Variants in DGKG observed in about 807,000 individuals in gnomAD.
DGKG encodes diacylglycerol kinase gamma.
In DGKG, 78 loss-of-function variants were observed where a neutral mutation model predicts 105.3. The observed-to-expected ratio is 0.74, with a 90% CI of 0.62 to 0.89. The LOEUF (loss-of-function observed/expected upper bound fraction) is 0.89, where lower values mean the gene tolerates loss of function less well. Ranked by LOEUF, DGKG falls within the 40% of genes least tolerant of loss-of-function variation. The pLI, the probability that DGKG is intolerant of heterozygous loss-of-function variation, is 0.00. For missense variants in DGKG, 958 were observed against 1,020.1 expected (o/e 0.94, Z 0.83); for synonymous variants, 346 against 367.1 (o/e 0.94, Z 0.66).
chr3:186,331,201 C>T (rs895223014), intron 1 of DGKG, among the ~76,000 whole-genome samples: 1 of 152,178 alleles, frequency 6.6e-6, no homozygotes, highest in African/African-American at 2.4e-5. Flanking sequence ...TAGCTGAAAA[C>T]CACAACCAAC....
chr3:186,354,420 C>T (rs1396213430), intron 1 of DGKG, among the ~76,000 whole-genome samples: 3 of 152,210 alleles, frequency 2.0e-5, no homozygotes, highest in African/African-American at 7.2e-5. Context: ...CTTGGTTTCT[C>T]TGCAGACGAC....
chr3:186,222,068 T>C (rs933858211), intron 20 of DGKG, among the ~76,000 whole-genome samples: 1 of 152,242 alleles, frequency 6.6e-6, no homozygotes, highest in Non-Finnish European at 1.5e-5. Context: ...ACGTGTGAGA[T>C]GGTTGTTCCT....
chr3:186,267,955 G>A lies in DGKG; in HGVS notation c.1117-178C>T, dbSNP rs528032182. 7.2e-5 allele frequency among the ~76,000 whole-genome samples: 11 copies of A among 152,130 alleles called. 1 individual carries two copies. In the South Asian group the frequency reaches 1.9e-3, roughly 26 times the overall value. Reference sequence around the variant, plus strand: ...GTGCACGTGTGTGTGTGTGGTTAAGGGTGCAAAGTCTGCTGTGGGCTGAGC... The same window carrying A: ...GTGCACGTGTGTGTGTGTGGTTAAGAGTGCAAAGTCTGCTGTGGGCTGAGC... On this transcript the variant is annotated intron_variant, in intron 12 of 24. Transcript: ENST00000265022.
rs554406373 is a variant in DGKG at position 186,277,901 on chromosome 3, T to C, written c.792+1950A>G. Among the ~76,000 whole-genome samples the C allele has an allele frequency of 5.9e-5, 9 of 152,258 alleles. 1 individual carries two copies. In the South Asian group the frequency reaches 1.7e-3, roughly 28 times the overall value. ...GGTTTTGAAAAAGCCCAAGAAGCAA[T>C]GGACTTTTAAGACATTGATGGGGGC... is the stretch of plus-strand genomic sequence containing the variant. On this transcript the variant is annotated intron_variant, in intron 9 of 24. Transcript: ENST00000265022.
chr3:186,348,849 G>A (rs967388530), intron 1 of DGKG, among the ~76,000 whole-genome samples: 6 of 151,798 alleles, frequency 4.0e-5, no homozygotes, highest in African/African-American at 1.5e-4. Context: ...TTTTTTCTCT[G>A]AAAATAAAAC....
At chr3:186,273,990 C>T (rs1170464676) in intron 10 of DGKG, among the ~76,000 whole-genome samples, 2 of 152,180 alleles carry the variant, frequency 1.3e-5, no homozygotes, top group Non-Finnish European at 2.9e-5. Flanking sequence ...GTGTCCCCTT[C>T]TTTCCTACTC....
chr3:186,270,087 G>T (rs966583870), intron 11 of DGKG, among the ~76,000 whole-genome samples: 9 of 152,046 alleles, frequency 5.9e-5, no homozygotes, highest in African/African-American at 2.2e-4. Flanking sequence ...AAAAACCCAG[G>T]AAATATCTGC....
intron 6 of DGKG, among the ~76,000 whole-genome samples, chr3:186,285,046 C>G (rs12495228): frequency 1.3e-4 from 20 of 152,142 alleles, no homozygotes; most frequent in Admixed American, 9.8e-4. Context: ...GGCAGAGGCA[C>G]CAGAATTTTT....
At position 186,251,922 on chromosome 3, in the gene DGKG, G is replaced by A; in HGVS notation, c.1601-3C>T. On this transcript the variant is annotated splice_region_variant and splice_polypyrimidine_tract_variant and intron_variant, in intron 18 of 24. Coordinates refer to ENST00000265022, the MANE Select transcript of DGKG (RefSeq NM_001346.3). ...TGTCAAGCTGCCCCCTTCATAACCT[G>A]TGGAGGACAGCACTGCATTTGCCAC... is the stretch of plus-strand genomic sequence containing the variant. 6.4e-7 allele frequency: 1 copy of A among 1,564,098 alleles called. No homozygotes were observed. Among genetic ancestry groups the A allele is most frequent in the Non-Finnish European group, 8.7e-7 (1 of 1,153,484 alleles).
In DGKG at chr3:186,149,850, C is replaced by T; in HGVS notation, c.*240G>A. On this transcript the variant is annotated 3_prime_UTR_variant, in exon 25 of 25. Coordinates refer to ENST00000265022, the MANE Select transcript of DGKG (RefSeq NM_001346.3). ...TAAGCCAGCCACAACCTCATGGGCC[C>T]TAAGTCCATTCAAAATGTTTTGTTG... The T allele has an allele frequency of 1.6e-6, 2 of 1,286,294 alleles. No individual in the cohort carries two copies. The highest frequency in any genetic ancestry group is 2.0e-6 in the Non-Finnish European group (2 of 1,015,288). The allele number at this position is 1,286,294 out of a possible 1,614,324, so 79.7% of individuals were successfully genotyped here.
rs1002452320 is a variant in DGKG, at chr3:186,147,620, C to G, written c.*2470G>C. The G allele has an allele frequency of 1.0e-6, 1 of 985,288 alleles. No individual in the cohort carries two copies. The highest frequency in any genetic ancestry group is 1.2e-6 in the Non-Finnish European group (1 of 829,930). The allele number at this position is 985,288 out of a possible 1,614,324, so 61.0% of individuals were successfully genotyped here. A position where few individuals can be genotyped will look rare whatever the true frequency, so the allele number is the denominator to read the frequency against. On this transcript the variant is annotated 3_prime_UTR_variant, in exon 25 of 25. Coordinates refer to ENST00000265022, the MANE Select transcript of DGKG (RefSeq NM_001346.3). ...ATGTCTCTCAAGCAACATTGCAAGT[C>G]CTGTGCACTAGGGTGCAGCAGGTAA...
At chr3:186,230,490 C>T (rs1226305760) in intron 20 of DGKG, among the ~76,000 whole-genome samples, 1 of 152,034 alleles carries the variant, frequency 6.6e-6, no homozygotes, top group Non-Finnish European at 1.5e-5. Flanking sequence ...ACAGAGCAAG[C>T]AAGCAAGAAG....
chr3:186,333,102 G>T lies in DGKG; in HGVS notation c.-248-12395C>A, dbSNP rs78904245. Among the ~76,000 whole-genome samples the T allele has an allele frequency of 5.9e-3, 904 of 152,258 alleles. 3 individuals are homozygous for T. The highest frequency in any genetic ancestry group is 9.9e-3 in the Non-Finnish European group (672 of 68,010). ...TAAGTTACCCAGCTTCAGGTATCCCGTTATAAGCAGCAGAAAATGGACTAA... is the reference window on the plus strand; with the variant it reads ...TAAGTTACCCAGCTTCAGGTATCCCTTTATAAGCAGCAGAAAATGGACTAA... On this transcript the variant is annotated intron_variant, in intron 1 of 24. Transcript: ENST00000265022.
intron 2 of DGKG, among the ~76,000 whole-genome samples, chr3:186,312,667 C>T (rs1724609640): frequency 6.6e-6 from 1 of 152,156 alleles, no homozygotes; most frequent in South Asian, 2.1e-4. Context: ...TTCCTTCTTC[C>T]AGTGAAGGCT....
chr3:186,359,565 G>A (rs576768710), intron 1 of DGKG, among the ~76,000 whole-genome samples: 92 of 152,228 alleles, frequency 6.0e-4, no homozygotes, highest in Non-Finnish European at 1.1e-3. Context: ...GTCACCTGAA[G>A]TCTTAGAACC....
At chr3:186,355,997 T>C (rs1173332420) in intron 1 of DGKG, among the ~76,000 whole-genome samples, 1 of 152,164 alleles carries the variant, frequency 6.6e-6, no homozygotes, top group Admixed American at 6.5e-5. Flanking sequence ...GACAAGATTA[T>C]TGGACGGAAG....
At chr3:186,269,009 G>T (rs1047885541) in intron 11 of DGKG, 92 bp from the exon 12 acceptor site, 11 of 852,278 alleles carry the variant, frequency 1.3e-5, no homozygotes, top group South Asian at 2.9e-5. Flanking sequence ...GAGGGGACGC[G>T]GGGGAGCCAG....
intron 22 of DGKG, among the ~76,000 whole-genome samples, chr3:186,166,615 C>T (rs1328209413): frequency 7.1e-6 from 1 of 140,380 alleles, no homozygotes; most frequent in Admixed American, 7.6e-5. Flanking sequence ...GTGAAAACAA[C>T]ATGGGCTATA....
intron 14 of DGKG, among the ~76,000 whole-genome samples, chr3:186,264,961 G>C (rs1285293375): frequency 6.6e-6 from 1 of 152,140 alleles, no homozygotes; most frequent in African/African-American, 2.4e-5. Flanking sequence ...TTATTATTTA[G>C]GACATCTGCA....
Sources: gnomAD v4.1 joint callset for allele counts (sites outside exome capture counted in the v4.1 genomes callset) on GRCh38, gnomAD v4.1.1 for gene constraint, MANE v1.5 for transcripts, NCBI Gene and HGNC (gene_info 2026-07-23, HGNC 2026-07-21) for gene names.